Variants in IFT80 observed in about 807,000 individuals in gnomAD.
IFT80 encodes the protein intraflagellar transport protein 80 homolog.
A neutral mutation model predicts 107.9 loss-of-function variants in IFT80; 79 were observed. The ratio of observed to expected loss-of-function variants is 0.73; its 90% CI spans 0.61 to 0.88. The LOEUF is 0.88. Ranked by LOEUF, IFT80 falls within the 40% of genes least tolerant of loss-of-function variation. IFT80 has a pLI of 0.00. For missense variants in IFT80, 797 were observed against 914.2 expected, an observed-to-expected ratio of 0.87 and a Z score of 1.65; for synonymous variants, 299 against 300.9, an observed-to-expected ratio of 0.99 and a Z score of 0.07.
intron 1 of IFT80, among the ~76,000 whole-genome samples, chr3:160,393,418 A>G (rs1466756466): frequency 6.6e-6 from 1 of 152,238 alleles, no homozygotes; most frequent in African/African-American, 2.4e-5. Flanking sequence ...AAAAGCTAGT[A>G]CAAAAGGACA....
At chr3:160,330,026 A>G (rs191603944) in intron 8 of IFT80, among the ~76,000 whole-genome samples, 7 of 152,308 alleles carry the variant, frequency 4.6e-5, no homozygotes, top group East Asian at 1.9e-4. Context: ...TTAGAAATGT[A>G]AATTCATGGA....
intron 1 of IFT80, among the ~76,000 whole-genome samples, chr3:160,387,485 C>T (rs569034160): frequency 3.3e-5 from 5 of 152,096 alleles, no homozygotes; most frequent in Non-Finnish European, 7.4e-5. Flanking sequence ...GCCTGGGCGT[C>T]AGAGTGAGAC....
chr3:160,398,201 C>A (rs1463383650), intron 1 of IFT80, among the ~76,000 whole-genome samples: 1 of 152,146 alleles, frequency 6.6e-6, no homozygotes, highest in Non-Finnish European at 1.5e-5. Flanking sequence ...GCAATACACA[C>A]CAGTCTCCCA....
intron 19 of IFT80, among the ~76,000 whole-genome samples, chr3:160,258,917 C>T (rs1712579074): frequency 6.6e-6 from 1 of 151,808 alleles, no homozygotes; most frequent in African/African-American, 2.4e-5. Context: ...GGCAACATGG[C>T]AAAGTTCCGA....
At chr3:160,288,176 A>G (rs1370945251) in intron 12 of IFT80, among the ~76,000 whole-genome samples, 2 of 152,146 alleles carry the variant, frequency 1.3e-5, no homozygotes, top group African/African-American at 4.8e-5. Context: ...TACTAAAAAT[A>G]CAAAAAATTA....
At chr3:160,343,470 A>G (rs1160683078) in intron 8 of IFT80, among the ~76,000 whole-genome samples, 1 of 152,074 alleles carries the variant, frequency 6.6e-6, no homozygotes, top group Non-Finnish European at 1.5e-5. Flanking sequence ...TATATTGTAC[A>G]ATTTATTTAT....
chr3:160,301,089 A>C, intron 11 of IFT80, 43 bp from the exon 12 acceptor site: 3 of 1,486,016 alleles, frequency 2.0e-6, no homozygotes, highest in Non-Finnish European at 2.8e-6. Context: ...ACAGGAGTAT[A>C]CTTTATTTTT....
intron 12 of IFT80, among the ~76,000 whole-genome samples, chr3:160,290,428 A>G (rs1480363020): frequency 6.6e-6 from 1 of 151,780 alleles, no homozygotes; most frequent in Non-Finnish European, 1.5e-5. Context: ...AAAAAAAGAA[A>G]AAAAAAAAAG....
rs748156653 is a variant in IFT80 at position 160,283,360 on chromosome 3, A to G, written c.1381-747T>C. Among the ~76,000 whole-genome samples the G allele has an allele frequency of 2.6e-5, 4 of 152,234 alleles. No homozygotes were observed. In the South Asian group the frequency reaches 6.2e-4, roughly 24 times the overall value. On this transcript the variant is annotated intron_variant, in intron 13 of 19. Coordinates refer to ENST00000326448, the MANE Select transcript of IFT80 (RefSeq NM_020800.3). ...TCCTACAATGTCTGAAGACTTTGGT[A>G]GGAATTGTGAATTCAACCAGAATAA...
chr3:160,379,959 CTT>C (rs1712334602), intron 3 of IFT80, among the ~76,000 whole-genome samples: 1 of 151,966 alleles, frequency 6.6e-6, no homozygotes, highest in African/African-American at 2.4e-5. Flanking sequence ...CAAAAGCCCT[CTT>C]CTCTTTCTCT....
intron 18 of IFT80, among the ~76,000 whole-genome samples, chr3:160,276,673 T>G (rs149573073): frequency 6.6e-6 from 1 of 152,230 alleles, no homozygotes; most frequent in East Asian, 1.9e-4. Flanking sequence ...GAGAGCCTAA[T>G]GTAAGGCTGT....
chr3:160,384,615 C>CA lies in IFT80; in HGVS notation c.-16dup, dbSNP rs768367181. 1.9e-6 allele frequency: 3 copies of CA among 1,583,386 alleles called. No individual in the cohort carries two copies. The highest frequency in any genetic ancestry group is 1.1e-5 in the South Asian group (1 of 90,306). ...TTTAGTCTCATGACTCCACTTCCAG[C>CA]AAAAATTTAAGATGCCACTTGATTG... On this transcript the variant is annotated 5_prime_UTR_variant, in exon 2 of 20. Coordinates refer to ENST00000326448, the MANE Select transcript of IFT80 (RefSeq NM_020800.3).
intron 2 of IFT80, chr3:160,384,328 A>T: frequency 9.5e-7 from 1 of 1,057,650 alleles, no homozygotes; most frequent in Non-Finnish European, 1.2e-6. Context: ...TATAGTACTT[A>T]AGTAGAGTAA....
chr3:160,262,197 A>G (rs950591238), intron 19 of IFT80, among the ~76,000 whole-genome samples: 17 of 152,202 alleles, frequency 1.1e-4, no homozygotes, highest in African/African-American at 4.1e-4. Context: ...AAGGTAACTC[A>G]AAACAGTGTC....
chr3:160,268,628 C>T, intron 18 of IFT80, 92 bp from the exon 19 acceptor site: 1 of 1,202,152 alleles, frequency 8.3e-7, no homozygotes. Flanking sequence ...ACAAATGGCT[C>T]TTCCCTCTGT....
In IFT80 at chr3:160,381,611, C is replaced by T. The variant is rs1293568232; in HGVS notation, c.151G>A (p.Val51Ile). ...GGGTAAATATCATCAGGAAGCTTTA[C>T]TATTTGAGTTGTTTCACTGGTTAAC... ...NLLTSETTQI[V>I]KLPDDIYPID... Residue 51 changes from valine (V) to isoleucine (I), a missense_variant, in exon 3 of 20, where the codon GTA becomes ATA. Physicochemically the swap from Val to Ile is conservative, Grantham distance 29. Transcript: ENST00000326448. 3 of 1,613,234 alleles carry T rather than the reference C, an allele frequency of 1.9e-6. No homozygotes were observed. Among genetic ancestry groups the T allele is most frequent in the Non-Finnish European group, 2.5e-6 (3 of 1,179,884 alleles).
intron 8 of IFT80, among the ~76,000 whole-genome samples, chr3:160,340,355 C>A (rs908444702): frequency 6.6e-6 from 1 of 152,120 alleles, no homozygotes; most frequent in East Asian, 1.9e-4. Context: ...TAACAAATTA[C>A]CACAAATTTA....
chr3:160,309,995 G>A (rs73019761), intron 9 of IFT80, among the ~76,000 whole-genome samples: 4,891 of 151,852 alleles, frequency 0.032, 266 homozygotes, highest in African/African-American at 0.11. Flanking sequence ...TATTTTCATC[G>A]GTCAAAAACA....
chr3:160,396,717 T>C (rs1179346179), intron 1 of IFT80, among the ~76,000 whole-genome samples: 1 of 152,196 alleles, frequency 6.6e-6, no homozygotes, highest in African/African-American at 2.4e-5. Flanking sequence ...TGTAACCCAG[T>C]CTTTTCCAGG....
Sources: gnomAD v4.1 joint callset for allele counts (sites outside exome capture counted in the v4.1 genomes callset) on GRCh38, gnomAD v4.1.1 for gene constraint, MANE v1.5 for transcripts, NCBI Gene and HGNC (gene_info 2026-07-23, HGNC 2026-07-21) for gene names.